Variants in MACF1 observed in about 807,000 individuals in gnomAD.
The protein encoded by MACF1 is microtubule actin crosslinking factor 1.
In MACF1, 193 loss-of-function variants were observed where a neutral mutation model predicts 854.8. The ratio of observed to expected loss-of-function variants is 0.23; its 90% CI spans 0.20 to 0.25. The LOEUF (loss-of-function observed/expected upper bound fraction) is 0.25. MACF1 is among the 10% of genes least tolerant of loss of function. The pLI is 1.00. For missense variants in MACF1, 7,722 were observed against 8,929.1 expected, an observed-to-expected ratio of 0.86 and a Z score of 5.45; for synonymous variants, 3,185 against 3,226.7, an observed-to-expected ratio of 0.99 and a Z score of 0.44.
intron 2 of MACF1, among the ~76,000 whole-genome samples, chr1:39,141,240 T>C (rs1643338955): frequency 6.6e-6 from 1 of 152,206 alleles, no homozygotes; most frequent in South Asian, 2.1e-4. Context: ...CATAACTTGT[T>C]GAATATACTC....
At chr1:39,412,820 C>A in intron 58 of MACF1, 1 of 1,612,560 alleles carries the variant, frequency 6.2e-7, no homozygotes, top group Non-Finnish European at 8.5e-7. Flanking sequence ...GCTGCACTGC[C>A]CAGCCCAGAG....
At chr1:39,369,598 A>G (rs1649054196) in intron 50 of MACF1, among the ~76,000 whole-genome samples, 1 of 152,216 alleles carries the variant, frequency 6.6e-6, no homozygotes, top group East Asian at 1.9e-4. Flanking sequence ...AGAACTAATC[A>G]CCTAACTTCT....
chr1:39,229,410 A>T (rs1238306668), intron 1 of MACF1, among the ~76,000 whole-genome samples: 1 of 152,240 alleles, frequency 6.6e-6, no homozygotes, highest in Non-Finnish European at 1.5e-5. Context: ...AAGCATTGAC[A>T]TTGTTTGGAA....
At chr1:39,381,772 G>C (rs938603428) in intron 55 of MACF1, among the ~76,000 whole-genome samples, 181 bp from the exon 56 acceptor site, 5 of 152,184 alleles carry the variant, frequency 3.3e-5, no homozygotes, top group African/African-American at 7.2e-5. Flanking sequence ...TGAGACTTCA[G>C]TGAGCCATGA....
chr1:39,461,069 G>A (rs1570162981), intron 92 of MACF1, among the ~76,000 whole-genome samples: 6 of 146,732 alleles, frequency 4.1e-5, no homozygotes, highest in Admixed American at 4.1e-4. Flanking sequence ...GGGCAACAGA[G>A]TGAGACTCTG....
At chr1:39,439,205 A>G (rs1644049990) in intron 71 of MACF1, 69 bp from the exon 72 acceptor site, 1 of 833,350 alleles carries the variant, frequency 1.2e-6, no homozygotes, top group Non-Finnish European at 2.0e-6. Context: ...GTTACATGGA[A>G]TTTCTGAATA....
chr1:39,095,921 C>T (rs1460180985), intron 2 of MACF1, among the ~76,000 whole-genome samples: 1 of 151,844 alleles, frequency 6.6e-6, no homozygotes, highest in Non-Finnish European at 1.5e-5. Flanking sequence ...GTAATCCCAA[C>T]ACTTTGGGAG....
chr1:39,340,998 T>A (rs779017365), intron 40 of MACF1, 45 bp downstream of exon 40: 1 of 1,511,180 alleles, frequency 6.6e-7, no homozygotes, highest in East Asian at 2.3e-5. Context: ...TGTATCAATT[T>A]TATTTCCCTG....
chr1:39,190,071 A>G (rs1020408473), intron 2 of MACF1, among the ~76,000 whole-genome samples: 1 of 152,228 alleles, frequency 6.6e-6, no homozygotes. Context: ...AACTGGACCT[A>G]TAATCGTCTC....
Position 39,349,632 on chromosome 1 carries a change from G to C in MACF1, c.10965+5G>C. 2 of 1,613,052 alleles carry C rather than the reference G, an allele frequency of 1.2e-6. No individual in the cohort carries two copies. The highest frequency in any genetic ancestry group is 8.5e-7 in the Non-Finnish European group (1 of 1,179,468). Reference sequence around the variant, plus strand: ...AAGAACCAAAGTGACTTGAAGGTCAGTGTGAATCTGTCAATTTTGACACAA... The same window carrying C: ...AAGAACCAAAGTGACTTGAAGGTCACTGTGAATCTGTCAATTTTGACACAA... On this transcript the variant is annotated splice_donor_5th_base_variant and intron_variant, in intron 42 of 100. Transcript: ENST00000564288.
At chr1:39,256,841 T>C (rs1571227773) in intron 5 of MACF1, among the ~76,000 whole-genome samples, 1 of 146,698 alleles carries the variant, frequency 6.8e-6, no homozygotes, top group South Asian at 2.2e-4. Context: ...CAAAGACTGG[T>C]GAGGGAAGAG....
At chr1:39,326,700 A>AAAAG (rs1002186426) in intron 35 of MACF1, among the ~76,000 whole-genome samples, 4 of 150,218 alleles carry the variant, frequency 2.7e-5, no homozygotes, top group African/African-American at 7.4e-5. Flanking sequence ...AAAAAAAAAA[A>AAAAG]AGAGAGAAGA....
At chr1:39,376,570 C>T (rs374672378) in intron 52 of MACF1, among the ~76,000 whole-genome samples, 5 of 152,294 alleles carry the variant, frequency 3.3e-5, no homozygotes, top group South Asian at 2.1e-4. Flanking sequence ...TGGTTAGTAC[C>T]GTCTTCTCCC....
intron 52 of MACF1, among the ~76,000 whole-genome samples, chr1:39,375,111 A>AAAATAAAT (rs567767237): frequency 6.6e-6 from 1 of 151,764 alleles, no homozygotes; most frequent in Non-Finnish European, 1.5e-5. Context: ...CTCCATCTCA[A>AAAATAAAT]AAATAAATAA....
chr1:39,430,844 T>C lies in MACF1; in HGVS notation c.17273T>C (p.Leu5758Pro). Residue 5758 changes from leucine (L) to proline (P), a missense_variant, in exon 66 of 101, where the codon CTA becomes CCA. Around this residue, in one of 15 missense-constraint regions of MACF1, gnomAD observed 2,807 missense variants for 3,235.8 expected, o/e 0.87. Coordinates refer to ENST00000564288, the MANE Select transcript of MACF1 (RefSeq NM_001394062.1). ...TCCGATGCTAACGAGCAGTACAAAC[T>C]AGTCAGTGACACTATTGGACAAAGG... Reference protein sequence around the residue: ...LVSDANEQYKLVSDTIGQRVD... With the variant: ...LVSDANEQYKPVSDTIGQRVD... 3.1e-6 allele frequency: 5 copies of C among 1,612,732 alleles called. No individual in the cohort carries two copies. In the South Asian group the frequency reaches 5.5e-5, roughly 18 times the overall value.
chr1:39,296,771 GAAAAGAAAGA>G (rs769716710), intron 20 of MACF1, among the ~76,000 whole-genome samples: 44 of 92,760 alleles, frequency 4.7e-4, no homozygotes, highest in African/African-American at 1.5e-3. Context: ...AGGAAGGAAG[GAAAAGAAAGA>G]AAGAAAGAAA....
At chr1:39,149,966 G>T (rs760242870) in intron 2 of MACF1, among the ~76,000 whole-genome samples, 5 of 151,370 alleles carry the variant, frequency 3.3e-5, no homozygotes, top group African/African-American at 7.3e-5. Flanking sequence ...CATCCTATTT[G>T]TATGTATGCA....
intron 1 of MACF1, among the ~76,000 whole-genome samples, chr1:39,220,451 G>A (rs1335275093): frequency 2.0e-5 from 3 of 150,176 alleles, no homozygotes; most frequent in African/African-American, 7.4e-5. Flanking sequence ...GGGATTACAG[G>A]TGTGAGCCAC....
At position 39,294,395 on chromosome 1, in the gene MACF1, A is replaced by T. The variant is rs148889895; in HGVS notation, c.2155-651A>T. On this transcript the variant is annotated intron_variant, in intron 18 of 100. Transcript: ENST00000564288. ...TTTCTTGTTTTTGTTTTTAACATGC[A>T]CTTTAGACAGTTTAATTCTATTGAT... Among the ~76,000 whole-genome samples, 18 of 152,320 alleles carry T rather than the reference A, an allele frequency of 1.2e-4. No homozygotes were observed. In the South Asian group the frequency reaches 3.7e-3, roughly 32 times the overall value.
Sources: allele counts gnomAD v4.1 joint callset (sites outside exome capture counted in the v4.1 genomes callset), GRCh38; gene constraint gnomAD v4.1.1; regional missense constraint gnomAD v4.1.1; transcripts MANE v1.5; gene names NCBI Gene and HGNC (gene_info 2026-07-23, HGNC 2026-07-21).